RFX4: variants seen among roughly 807,000 people sequenced by gnomAD.
The protein encoded by RFX4 is transcription factor RFX4.
In RFX4, 10 loss-of-function variants were observed where a neutral mutation model predicts 95.0. That is an observed-to-expected ratio of 0.11 (90% CI 0.06 to 0.18). RFX4 has a LOEUF of 0.18. Ranked by LOEUF, RFX4 falls within the 10% of genes least tolerant of loss-of-function variation. The pLI is 1.00. For synonymous variants in RFX4, 321 were observed against 340.7 expected (o/e 0.94, Z 0.64); for missense variants, 640 against 922.0 (o/e 0.69, Z 3.96).
At chr12:106,619,459 T>G (rs1467519067) in intron 2 of RFX4, among the ~76,000 whole-genome samples, 1 of 152,206 alleles carries the variant, frequency 6.6e-6, no homozygotes, top group African/African-American at 2.4e-5. Context: ...AGTCATCAGA[T>G]GTATTGTTAC....
chr12:106,647,373 C>T (rs1018215953), intron 3 of RFX4, among the ~76,000 whole-genome samples: 1 of 152,160 alleles, frequency 6.6e-6, no homozygotes, highest in Non-Finnish European at 1.5e-5. Context: ...TCCTCTATGT[C>T]CTAGGGCATA....
chr12:106,712,487 T>A (rs985694701), intron 10 of RFX4, among the ~76,000 whole-genome samples: 4 of 152,162 alleles, frequency 2.6e-5, no homozygotes, highest in African/African-American at 9.7e-5. Flanking sequence ...TCCTTTAAGG[T>A]GCTGTTGGTT....
intron 2 of RFX4, among the ~76,000 whole-genome samples, chr12:106,620,283 G>T (rs1464478250): frequency 6.6e-6 from 1 of 152,044 alleles, no homozygotes; most frequent in Admixed American, 6.6e-5. Flanking sequence ...TTCAACGTAG[G>T]TTCTATTTTC....
intron 13 of RFX4, among the ~76,000 whole-genome samples, chr12:106,727,987 T>C (rs1160200576): frequency 6.6e-6 from 1 of 152,190 alleles, no homozygotes; most frequent in Non-Finnish European, 1.5e-5. Context: ...ACTTAAAACA[T>C]ACACATTCAC....
intron 1 of RFX4, among the ~76,000 whole-genome samples, chr12:106,600,872 T>C (rs2039693084): frequency 6.6e-6 from 1 of 152,036 alleles, no homozygotes; most frequent in Non-Finnish European, 1.5e-5. Flanking sequence ...CACCCCCACC[T>C]CTCTTGATCT....
intron 3 of RFX4, among the ~76,000 whole-genome samples, chr12:106,645,587 T>C (rs922315053): frequency 6.6e-6 from 1 of 152,166 alleles, no homozygotes; most frequent in Admixed American, 6.5e-5. Context: ...TCCAAATTAA[T>C]ATGAAACAAA....
intron 6 of RFX4, among the ~76,000 whole-genome samples, chr12:106,688,916 C>G (rs1449557428): frequency 1.3e-5 from 2 of 152,184 alleles, no homozygotes; most frequent in Non-Finnish European, 2.9e-5. Flanking sequence ...AGTTCCATAA[C>G]CCTGCTTAGC....
intron 5 of RFX4, chr12:106,684,709 G>T: frequency 6.7e-7 from 1 of 1,490,674 alleles, no homozygotes; most frequent in Non-Finnish European, 9.0e-7. Flanking sequence ...GTGAGTTCCA[G>T]GTGGGAAGGC....
chr12:106,624,955 C>G (rs1393239275), intron 2 of RFX4, among the ~76,000 whole-genome samples: 2 of 152,142 alleles, frequency 1.3e-5, no homozygotes, highest in Non-Finnish European at 2.9e-5. Flanking sequence ...AAGATTCTAC[C>G]CACTGAGAGG....
rs1592994908 is a variant in RFX4 at position 106,733,168 on chromosome 12, T to A, written c.1633+83T>A. The A allele has an allele frequency of 1.7e-5, 24 of 1,440,962 alleles. No homozygotes were observed. In the East Asian group the frequency reaches 5.5e-4, roughly 33 times the overall value. The allele number at this position is 1,440,962 out of a possible 1,614,324, so 89.3% of individuals were successfully genotyped here. A position where few individuals can be genotyped will look rare whatever the true frequency, so the allele number is the denominator to read the frequency against. On this transcript the variant is annotated intron_variant, in intron 15 of 17. Transcript: ENST00000392842. ...GCCAGCCTGGGCAACATAGTGAGACTTCATTTCCACACACACAAAAAGCCA... is the reference window on the plus strand; with the variant it reads ...GCCAGCCTGGGCAACATAGTGAGACATCATTTCCACACACACAAAAAGCCA...
chr12:106,728,155 C>T (rs1156659863), intron 13 of RFX4, among the ~76,000 whole-genome samples: 1 of 151,972 alleles, frequency 6.6e-6, no homozygotes, highest in Non-Finnish European at 1.5e-5. Context: ...CTACCAAATG[C>T]AATCAACTAT....
chr12:106,600,079 G>A lies in RFX4; in HGVS notation c.44-8718G>A, dbSNP rs575373824. On this transcript the variant is annotated intron_variant, in intron 1 of 17. Transcript: ENST00000392842. The stretch of plus-strand genomic sequence containing the variant: ...TCTAGACTCCTTAACCCAGCATTGA[G>A]TACAGAAGCAAGGCTTATGTATGTG... 3.0e-4 allele frequency among the ~76,000 whole-genome samples: 46 copies of A among 152,232 alleles called. 1 individual carries two copies. In the South Asian group the frequency reaches 8.5e-3, roughly 28 times the overall value.
chr12:106,688,064 CTTTTTTTT>C (rs754808212), intron 6 of RFX4, among the ~76,000 whole-genome samples: 4 of 96,234 alleles, frequency 4.2e-5, no homozygotes, highest in Admixed American at 1.1e-4. Flanking sequence ...TATCACATTT[CTTTTTTTT>C]TTTTTTTTTT....
intron 8 of RFX4, among the ~76,000 whole-genome samples, chr12:106,701,458 TCTG>T (rs1233171560): frequency 1.3e-5 from 2 of 150,320 alleles, no homozygotes; most frequent in African/African-American, 4.9e-5. Context: ...TATCTTCTTC[TCTG>T]CTTTCTCTCT....
At position 106,670,414 on chromosome 12, in the gene RFX4, G is replaced by T. The variant is rs930487116; in HGVS notation, c.316-11579G>T. Among the ~76,000 whole-genome samples the T allele has an allele frequency of 2.0e-5, 3 of 152,274 alleles. No individual in the cohort carries two copies. The South Asian group carries it at 6.2e-4, about 32-fold the overall frequency. On this transcript the variant is annotated intron_variant, in intron 4 of 17. Transcript: ENST00000392842. ...TATCCAGTCACCCTGAGGACAATGA[G>T]GTGTTCACATATGGATTTTTGGCAT...
intron 13 of RFX4, among the ~76,000 whole-genome samples, chr12:106,728,606 AT>A (rs1397044354): frequency 1.3e-5 from 2 of 152,152 alleles, no homozygotes; most frequent in Non-Finnish European, 2.9e-5. Context: ...AAGGAGATAA[AT>A]AAAGTGGGAT....
chr12:106,667,748 A>G (rs990545390), intron 4 of RFX4, among the ~76,000 whole-genome samples: 1 of 152,168 alleles, frequency 6.6e-6, no homozygotes, highest in African/African-American at 2.4e-5. Context: ...TAAGAACCCA[A>G]GAAGAATTGT....
intron 2 of RFX4, among the ~76,000 whole-genome samples, chr12:106,627,442 G>C (rs1412438055): frequency 1.3e-5 from 2 of 152,190 alleles, no homozygotes; most frequent in African/African-American, 2.4e-5. Flanking sequence ...GGCTGAGGCA[G>C]GAGGATTCCG....
chr12:106,752,650 C>T (rs1376188287), intron 17 of RFX4, among the ~76,000 whole-genome samples: 2 of 152,114 alleles, frequency 1.3e-5, no homozygotes, highest in African/African-American at 2.4e-5. Flanking sequence ...TGGGGTGTCC[C>T]GTGTCTGCTC....
Sources: gnomAD v4.1 joint callset for allele counts (sites outside exome capture counted in the v4.1 genomes callset) on GRCh38, gnomAD v4.1.1 for gene constraint, MANE v1.5 for transcripts, NCBI Gene and HGNC (gene_info 2026-07-23, HGNC 2026-07-21) for gene names.